SPPL2B: variants seen among roughly 807,000 people sequenced by gnomAD.
SPPL2B encodes signal peptide peptidase like 2B.
In SPPL2B, 39 loss-of-function variants were observed where a neutral mutation model predicts 59.7. That is an observed-to-expected ratio of 0.65 (90% confidence interval 0.51 to 0.85). SPPL2B has a LOEUF of 0.85. SPPL2B is among the 40% of genes least tolerant of loss of function. SPPL2B has a pLI of 0.00. For missense variants in SPPL2B, 865 were observed against 849.0 expected (o/e 1.02, Z -0.23); for synonymous variants, 419 against 370.8 (o/e 1.13, Z -1.49).
At chr19:2,351,302 C>A (rs1348259979) in intron 13 of SPPL2B, 132 bp from the exon 14 acceptor site, 2 of 707,944 alleles carry the variant, frequency 2.8e-6, no homozygotes, top group East Asian at 2.6e-5. Context: ...GCCGGCTGAA[C>A]CCCCACTGTA....
rs1165421854 is a variant in SPPL2B at position 2,332,560 on chromosome 19, T to G, written c.67-2042T>G. 1.3e-5 allele frequency among the ~76,000 whole-genome samples: 2 copies of G among 152,208 alleles called. No individual in the cohort carries two copies. The highest frequency in any genetic ancestry group is 2.9e-5 in the Non-Finnish European group (2 of 68,028). ...AGGCAAATGGCTGTGGCCTGTTTGT[T>G]TCCGTGACAGGTCCCCTGGGGACCA... On this transcript the variant is annotated intron_variant, in intron 1 of 14. Coordinates refer to ENST00000613503, the MANE Select transcript of SPPL2B (RefSeq NM_152988.3). This position sits in a 1 kb window ranked among gnomAD's most constrained non-coding sequence, Gnocchi z 4.6.
rs1969304949 is a variant in SPPL2B, at chr19:2,345,339, CT to C, written c.1354+10del. 6.2e-7 allele frequency: 1 copy of C among 1,612,170 alleles called. No individual in the cohort carries two copies. Among genetic ancestry groups the C allele is most frequent in the Non-Finnish European group, 8.5e-7 (1 of 1,179,018 alleles). ...CGTGGCCTGCACCATCGGTAAGTGCCTCGGTTGGGCCCGTGCTGGCCTCTCT... is the reference window on the plus strand; with the variant it reads ...CGTGGCCTGCACCATCGGTAAGTGCCCGGTTGGGCCCGTGCTGGCCTCTCT... On this transcript the variant is annotated intron_variant, in intron 13 of 14. Coordinates refer to ENST00000613503, the MANE Select transcript of SPPL2B (RefSeq NM_152988.3).
intron 10 of SPPL2B, 85 bp from the exon 11 acceptor site, chr19:2,344,277 C>T: frequency 1.5e-6 from 1 of 645,164 alleles, no homozygotes; most frequent in Non-Finnish European, 2.4e-6. Context: ...CCCATCGCAT[C>T]ACCCTGCCCC....
At chr19:2,335,203 CCCCG>C (rs1968496797) in intron 2 of SPPL2B, among the ~76,000 whole-genome samples, 8 of 141,572 alleles carry the variant, frequency 5.7e-5, no homozygotes, top group Admixed American at 1.4e-4. Context: ...ATCCCTCAGG[CCCCG>C]CCTCCTTTCC....
chr19:2,333,991 T>G (rs1968423181), intron 1 of SPPL2B, among the ~76,000 whole-genome samples: 1 of 152,262 alleles, frequency 6.6e-6, no homozygotes. Context: ...TTGGCCCACC[T>G]GCTTCCTGCT....
intron 5 of SPPL2B, 32 bp from the exon 6 acceptor site, chr19:2,339,792 C>T (rs1196599184): frequency 6.3e-7 from 1 of 1,594,830 alleles, no homozygotes; most frequent in South Asian, 1.1e-5. Flanking sequence ...CAGCCGGCCC[C>T]AGGGCCCCAC....
At position 2,345,223 on chromosome 19, in the gene SPPL2B, G is replaced by C. The variant is rs530927916; in HGVS notation, c.1277-30G>C. 32 of 1,606,744 alleles carry C rather than the reference G, an allele frequency of 2.0e-5. No individual in the cohort carries two copies. In the South Asian group the frequency reaches 3.4e-4, roughly 17 times the overall value. On this transcript the variant is annotated intron_variant, in intron 12 of 14. Transcript: ENST00000613503. ...CCCTGCTCTGAGGCTCTGCGGGCCC[G>C]AGTAAGCCTCCGCCCTGTGCCTCCC...
rs373466357 is a variant in SPPL2B, at chr19:2,334,590, C to T, written c.67-12C>T. 1.4e-4 allele frequency: 217 copies of T among 1,605,854 alleles called. No homozygotes were observed. Among genetic ancestry groups the T allele is most frequent in the Non-Finnish European group, 1.7e-4 (203 of 1,176,712 alleles). ...CCGTGCTGTGGCTCTGACTGCTGGC[C>T]TTGTCCTGCAGGTGGCCTGTGAGTA... On this transcript the variant is annotated splice_polypyrimidine_tract_variant and intron_variant, in intron 1 of 14. Coordinates refer to ENST00000613503, the MANE Select transcript of SPPL2B (RefSeq NM_152988.3).
At chr19:2,343,829 C>T (rs1969197138) in intron 9 of SPPL2B, 136 bp from the exon 10 acceptor site, 7 of 643,736 alleles carry the variant, frequency 1.1e-5, no homozygotes, top group East Asian at 5.5e-5. Context: ...CTGCGTGGTG[C>T]GTCCCTGGCA....
At position 2,343,208 on chromosome 19, in the gene SPPL2B, C is replaced by T. The variant is rs1325445165; in HGVS notation, c.957-3C>T. On this transcript the variant is annotated splice_region_variant and splice_polypyrimidine_tract_variant and intron_variant, in intron 8 of 14. Transcript: ENST00000613503. ...CCGGCGAGGATGCTGCTTTGTCTTG[C>T]AGGTGGGCCTGGGTCCTCCAGGATG... The T allele has an allele frequency of 1.3e-6, 2 of 1,553,280 alleles. No homozygotes were observed. The highest frequency in any genetic ancestry group is 4.8e-5 in the East Asian group (2 of 41,238).
chr19:2,350,279 C>T (rs868108344), intron 13 of SPPL2B, among the ~76,000 whole-genome samples: 6 of 150,724 alleles, frequency 4.0e-5, no homozygotes, highest in African/African-American at 1.2e-4. Flanking sequence ...TCCGTTCTCT[C>T]TCTCCACACA....
intron 8 of SPPL2B, chr19:2,341,783 G>T (rs569473931): frequency 1.6e-5 from 6 of 368,842 alleles, no homozygotes; most frequent in African/African-American, 6.3e-5. Flanking sequence ...CAGGAAACTC[G>T]CTCCGTCACA....
chr19:2,339,806 C>A lies in SPPL2B; in HGVS notation c.600-18C>A. 1 of 1,601,544 alleles carries A rather than the reference C, an allele frequency of 6.2e-7. No individual in the cohort carries two copies. The highest frequency in any genetic ancestry group is 1.3e-5 in the African/African-American group (1 of 74,834). On this transcript the variant is annotated intron_variant, in intron 5 of 14. Coordinates refer to ENST00000613503, the MANE Select transcript of SPPL2B (RefSeq NM_152988.3). The stretch of plus-strand genomic sequence containing the variant: ...CCAGCCGGCCCCAGGGCCCCACGAC[C>A]CCATGGTGTCTCCCAAGAAGGTACA...
intron 13 of SPPL2B, among the ~76,000 whole-genome samples, chr19:2,350,007 C>T (rs1433909472): frequency 6.7e-6 from 1 of 149,630 alleles, no homozygotes; most frequent in Non-Finnish European, 1.5e-5. Flanking sequence ...TGATTCCGTT[C>T]TCTCCCTCGA....
At chr19:2,351,002 A>G (rs1969896976) in intron 13 of SPPL2B, among the ~76,000 whole-genome samples, 1 of 152,208 alleles carries the variant, frequency 6.6e-6, no homozygotes, top group African/African-American at 2.4e-5. Flanking sequence ...CATAGTTTAT[A>G]TGCCCACAGC....
At position 2,340,377 on chromosome 19, in the gene SPPL2B, AG is replaced by A; in HGVS notation, c.839+209del. 5.1e-6 allele frequency: 3 copies of A among 592,476 alleles called. No individual in the cohort carries two copies. The South Asian group carries it at 5.9e-5, about 12-fold the overall frequency. 36.7% of individuals were successfully genotyped at this position (592,476 alleles called of 1,614,324 possible). The stretch of plus-strand genomic sequence containing the variant: ...TGGAGCCCACCAGCAGCCAGGCGCC[AG>A]GGGTGGCGGGGGGAGGGTGCCCTTG... On this transcript the variant is annotated intron_variant, in intron 7 of 14. Coordinates refer to ENST00000613503, the MANE Select transcript of SPPL2B (RefSeq NM_152988.3).
Position 2,332,197 on chromosome 19 carries a change from C to T in SPPL2B, c.67-2405C>T, listed in dbSNP as rs1968324700. 6.6e-6 allele frequency among the ~76,000 whole-genome samples: 1 copy of T among 152,178 alleles called. No individual in the cohort carries two copies. Among genetic ancestry groups the T allele is most frequent in the Non-Finnish European group, 1.5e-5 (1 of 68,038 alleles). On this transcript the variant is annotated intron_variant, in intron 1 of 14. Coordinates refer to ENST00000613503, the MANE Select transcript of SPPL2B (RefSeq NM_152988.3). The surrounding 1 kb of genome is among the most constrained non-coding windows in gnomAD (Gnocchi z 4.6). Reference sequence around the variant, plus strand: ...AGCCAAGAGCTATGAGACCCCCAGTCGATTGTGGGGACCGGGGCTCCGTGG... The same window carrying T: ...AGCCAAGAGCTATGAGACCCCCAGTTGATTGTGGGGACCGGGGCTCCGTGG...
At position 2,345,096 on chromosome 19, in the gene SPPL2B, C is replaced by T. The variant is rs554234930; in HGVS notation, c.1277-157C>T. 1.5e-4 allele frequency among the ~76,000 whole-genome samples: 23 copies of T among 152,206 alleles called. No homozygotes were observed. The East Asian group carries it at 2.1e-3, about 14-fold the overall frequency. On this transcript the variant is annotated intron_variant, in intron 12 of 14. Coordinates refer to ENST00000613503, the MANE Select transcript of SPPL2B (RefSeq NM_152988.3). ...ACTGAGAGTCATGGCAGCCCTGTCC[C>T]GAGCGAGCGTGTGGCCTGTCTGTGA...
chr19:2,337,652 G>A (rs1168058017), intron 3 of SPPL2B, 27 bp downstream of exon 3: 2 of 1,520,758 alleles, frequency 1.3e-6, no homozygotes, highest in Middle Eastern at 2.3e-4. Flanking sequence ...CCCCCGCTGG[G>A]CCAGCTCTCA....
Sources: allele counts gnomAD v4.1 joint callset (sites outside exome capture counted in the v4.1 genomes callset), GRCh38; gene constraint gnomAD v4.1.1; non-coding constraint Gnocchi (gnomAD v3.1); transcripts MANE v1.5; gene names NCBI Gene and HGNC (gene_info 2026-07-23, HGNC 2026-07-21).